Variants in CCDC172 observed in about 807,000 individuals in gnomAD.
CCDC172 encodes coiled-coil domain containing 172, also known as coiled-coil domain-containing protein 172.
CCDC172 carries 30 observed loss-of-function variants against 38.0 expected under a neutral mutation model. That is an observed-to-expected ratio of 0.79 (90% CI 0.59 to 1.07). The LOEUF (loss-of-function observed/expected upper bound fraction) is 1.07, where lower values mean the gene tolerates loss of function less well. Ranked by LOEUF, CCDC172 falls within the 50% of genes least tolerant of loss-of-function variation. The probability of loss-of-function intolerance (pLI) is 0.00; values close to 1 mark genes in which losing one functional copy is unlikely to be tolerated. For synonymous variants in CCDC172, 78 were observed against 88.3 expected (o/e 0.88, Z 0.66); for missense variants, 297 against 290.1 (o/e 1.02, Z -0.17).
rs1844803697 is a variant in CCDC172 at position 116,342,131 on chromosome 10, GC to G, written c.379del (p.Leu127PhefsTer2). 3 of 1,550,812 alleles carry G rather than the reference GC, an allele frequency of 1.9e-6. No homozygotes were observed. The highest frequency in any genetic ancestry group is 2.5e-5 in the South Asian group (2 of 81,318). On this transcript the variant is annotated frameshift_variant, in exon 5 of 9. Transcript: ENST00000333254. LOFTEE classifies it high-confidence loss of function. ...ATTATGAAATAACAAAGAAAAGAGA[GC>G]TTTTGATGAAAGAAAATGTCAAGAT... ...NDYEITKKRE[L>X]LMKENVKIEI...
rs976075170 is a variant in CCDC172, at chr10:116,364,527, T to TA, written c.653+6599dup. 5.7e-3 allele frequency among the ~76,000 whole-genome samples: 842 copies of TA among 148,352 alleles called. 7 individuals carry two copies. The highest frequency in any genetic ancestry group is 0.017 in the African/African-American group (672 of 40,598). On this transcript the variant is annotated intron_variant, in intron 7 of 8. Coordinates refer to ENST00000333254, the MANE Select transcript of CCDC172 (RefSeq NM_198515.3). ...GTGTTCATAGTAATATTATTTATGG[T>TA]AAAAAAAAAACTGAAATGCCCTGTT...
intron 3 of CCDC172, among the ~76,000 whole-genome samples, chr10:116,335,851 CTGT>C (rs1274296146): frequency 2.0e-5 from 3 of 151,770 alleles, no homozygotes; most frequent in Non-Finnish European, 4.4e-5. Context: ...GATGGTTTCT[CTGT>C]ATATTTTCTT....
At chr10:116,356,287 G>A (rs1347404005) in intron 5 of CCDC172, among the ~76,000 whole-genome samples, 4 of 150,152 alleles carry the variant, frequency 2.7e-5, no homozygotes, top group African/African-American at 7.3e-5. Context: ...CCGAGATGGC[G>A]CCACTGCACT....
chr10:116,342,118 C>A lies in CCDC172; in HGVS notation c.365C>A (p.Thr122Lys). 6.5e-7 allele frequency: 1 copy of A among 1,548,882 alleles called. No homozygotes were observed. Among genetic ancestry groups the A allele is most frequent in the East Asian group, 2.4e-5 (1 of 41,210 alleles). Residue 122 changes from threonine to lysine, a missense_variant, in exon 5 of 9, where the codon ACA becomes AAA. By Grantham distance (78) the Thr-to-Lys change is moderately conservative. Coordinates refer to ENST00000333254, the MANE Select transcript of CCDC172 (RefSeq NM_198515.3). ...ITDFNNDYEI[T>K]KKRELLMKEN... ...GACTTTAATAATGATTATGAAATAA[C>A]AAAGAAAAGAGAGCTTTTGATGAAA...
At chr10:116,337,396 C>T (rs186542906) in intron 3 of CCDC172, among the ~76,000 whole-genome samples, 1,576 of 152,062 alleles carry the variant, frequency 0.01, 36 homozygotes, top group African/African-American at 0.033. Flanking sequence ...GTGATCCACC[C>T]GTCTCGGCCT....
intron 3 of CCDC172, among the ~76,000 whole-genome samples, chr10:116,336,836 T>A (rs990418103): frequency 2.6e-5 from 4 of 152,144 alleles, no homozygotes; most frequent in African/African-American, 9.7e-5. Context: ...TAACATTAAT[T>A]TTAAATCCTC....
chr10:116,367,961 C>A (rs1403049008), intron 7 of CCDC172, among the ~76,000 whole-genome samples: 1 of 151,996 alleles, frequency 6.6e-6, no homozygotes, highest in Non-Finnish European at 1.5e-5. Flanking sequence ...TCTGAGGTGT[C>A]AAGGCTAGTT....
chr10:116,379,454 T>A lies in CCDC172; in HGVS notation c.*96T>A. 1.4e-6 allele frequency: 1 copy of A among 706,414 alleles called. No individual in the cohort carries two copies. The allele number at this position is 706,414 out of a possible 1,614,324, so 43.8% of individuals were successfully genotyped here. The stretch of plus-strand genomic sequence containing the variant: ...TATGAATGGTACCCGTTACAACGGA[T>A]CCTTGTGGGAAATATGGGGTTTAAA... On this transcript the variant is annotated 3_prime_UTR_variant, in exon 9 of 9. Coordinates refer to ENST00000333254, the MANE Select transcript of CCDC172 (RefSeq NM_198515.3).
At chr10:116,341,571 T>C (rs1844795568) in intron 4 of CCDC172, among the ~76,000 whole-genome samples, 1 of 152,064 alleles carries the variant, frequency 6.6e-6, no homozygotes, top group Non-Finnish European at 1.5e-5. Context: ...GAATATATAA[T>C]TTTGATTTCA....
At chr10:116,348,286 G>T (rs1352667586) in intron 5 of CCDC172, among the ~76,000 whole-genome samples, 1 of 151,962 alleles carries the variant, frequency 6.6e-6, no homozygotes, top group Non-Finnish European at 1.5e-5. Flanking sequence ...CTTCTTACCT[G>T]TCAGTGTTTG....
At chr10:116,340,183 A>C (rs975343259) in intron 3 of CCDC172, among the ~76,000 whole-genome samples, 2 of 151,952 alleles carry the variant, frequency 1.3e-5, no homozygotes, top group African/African-American at 4.8e-5. Flanking sequence ...AACCAAATGA[A>C]GTATTAAAAT....
chr10:116,324,881 G>C, intron 1 of CCDC172, 66 bp from the exon 2 acceptor site: 1 of 731,136 alleles, frequency 1.4e-6, no homozygotes, highest in African/African-American at 1.8e-5. Flanking sequence ...TGGCGACAGA[G>C]GGTTGGAGAC....
intron 8 of CCDC172, among the ~76,000 whole-genome samples, 159 bp downstream of exon 8, chr10:116,378,669 T>C (rs1454205918): frequency 6.6e-6 from 1 of 152,174 alleles, no homozygotes; most frequent in Non-Finnish European, 1.5e-5. Context: ...TGTAAATCTA[T>C]GAAGTGTTTT....
Position 116,357,908 on chromosome 10 carries a change from A to G in CCDC172, c.623A>G (p.Glu208Gly), listed in dbSNP as rs367787953. 3.6e-5 allele frequency: 57 copies of G among 1,577,870 alleles called. No individual in the cohort carries two copies. The highest frequency in any genetic ancestry group is 4.9e-5 in the Non-Finnish European group (57 of 1,161,426). ...GAGGCAGAAAAAATAAAAATCAGTGAAAAGCCTCAAAATGATACAGAATGC... is the reference window on the plus strand; with the variant it reads ...GAGGCAGAAAAAATAAAAATCAGTGGAAAGCCTCAAAATGATACAGAATGC... ...YLEAEKIKIS[E>G]KPQNDTECLR... The change falls in exon 7 of 9, where the codon GAA becomes GGA. Residue 208 changes from glutamate to glycine, a missense_variant. Physicochemically the swap from Glu to Gly is moderately conservative, Grantham distance 98 (BLOSUM62 -2). Coordinates refer to ENST00000333254, the MANE Select transcript of CCDC172 (RefSeq NM_198515.3).
chr10:116,355,438 ATGT>A (rs989293401), intron 5 of CCDC172, among the ~76,000 whole-genome samples: 3 of 152,138 alleles, frequency 2.0e-5, no homozygotes, highest in Admixed American at 2.0e-4. Flanking sequence ...ACACTTGATG[ATGT>A]TCTCACAACA....
At chr10:116,371,506 A>G (rs565050615) in intron 7 of CCDC172, among the ~76,000 whole-genome samples, 1 of 152,034 alleles carries the variant, frequency 6.6e-6, no homozygotes, top group East Asian at 1.9e-4. Context: ...GTGTATATGT[A>G]TTCACTATCT....
intron 7 of CCDC172, among the ~76,000 whole-genome samples, chr10:116,366,891 G>A (rs185002087): frequency 1.1e-4 from 16 of 152,102 alleles, no homozygotes; most frequent in Admixed American, 8.5e-4. Flanking sequence ...ATCTCTAATG[G>A]CCTTGTCCTG....
chr10:116,352,968 T>C (rs1192456958), intron 5 of CCDC172, among the ~76,000 whole-genome samples: 2 of 151,630 alleles, frequency 1.3e-5, no homozygotes, highest in Non-Finnish European at 2.9e-5. Flanking sequence ...CCAAGGCGGG[T>C]GGATCACGAG....
chr10:116,362,080 C>T (rs1056634244), intron 7 of CCDC172, among the ~76,000 whole-genome samples: 8 of 152,160 alleles, frequency 5.3e-5, no homozygotes, highest in South Asian at 2.1e-4. Flanking sequence ...GCCTCAGCTA[C>T]TCGGGAGGCT....
Sources: gnomAD v4.1 joint callset for allele counts (sites outside exome capture counted in the v4.1 genomes callset) on GRCh38, gnomAD v4.1.1 for gene constraint, MANE v1.5 for transcripts, NCBI Gene and HGNC (gene_info 2026-07-23, HGNC 2026-07-21) for gene names.